IL1RAPL1: variants seen among roughly 807,000 people sequenced by gnomAD.
IL1RAPL1 encodes the protein interleukin-1 receptor accessory protein-like 1.
Under a neutral mutation model 48.4 loss-of-function variants are expected in IL1RAPL1, and 3 were observed. That is an observed-to-expected ratio of 0.06 (90% CI 0.03 to 0.16). The LOEUF (loss-of-function observed/expected upper bound fraction) is 0.16, where lower values mean the gene tolerates loss of function less well. Ranked by LOEUF, IL1RAPL1 falls within the 10% of genes least tolerant of loss-of-function variation. The probability of loss-of-function intolerance (pLI) is 1.00; values close to 1 mark genes in which losing one functional copy is unlikely to be tolerated. For synonymous variants in IL1RAPL1, 185 were observed against 187.7 expected (o/e 0.99, Z 0.12); for missense variants, 349 against 530.6 (o/e 0.66, Z 3.36).
At chrX:29,067,738 G>A (rs1927480380) in intron 2 of IL1RAPL1, among the ~76,000 whole-genome samples, 1 of 111,719 alleles carries the variant, frequency 9.0e-6, no homozygotes, top group Non-Finnish European at 1.9e-5. Flanking sequence ...TTAAAAAATA[G>A]AAGTAGTACA....
chrX:28,790,954 T>TAGCTATATAAAAGAGAAACACTC (rs1936532099), intron 2 of IL1RAPL1, among the ~76,000 whole-genome samples: 1 of 111,673 alleles, frequency 9.0e-6, no homozygotes, highest in Admixed American at 9.5e-5. Flanking sequence ...TTAAGATAGG[T>TAGCTATATAAAAGAGAAACACTC]TTTTGAGATA....
intron 6 of IL1RAPL1, among the ~76,000 whole-genome samples, chrX:29,787,409 G>A (rs1302370002): frequency 8.0e-5 from 9 of 112,112 alleles, no homozygotes; most frequent in African/African-American, 2.6e-4. Flanking sequence ...TACAAATTTT[G>A]CAACAACATA....
At chrX:29,943,912 C>T (rs1933175623) in intron 9 of IL1RAPL1, among the ~76,000 whole-genome samples, 1 of 111,896 alleles carries the variant, frequency 8.9e-6, no homozygotes, top group Non-Finnish European at 1.9e-5. Flanking sequence ...CTGCTGGGTT[C>T]TCAGTTTTTT....
chrX:29,189,219 A>G (rs992466567), intron 2 of IL1RAPL1, among the ~76,000 whole-genome samples: 5 of 112,244 alleles, frequency 4.5e-5, no homozygotes, highest in African/African-American at 1.6e-4. Context: ...TTTAAAGGGC[A>G]TGGATTTTGG....
chrX:28,738,176 T>TA (rs751807925), intron 1 of IL1RAPL1, among the ~76,000 whole-genome samples: 173 of 101,614 alleles, frequency 1.7e-3, no homozygotes, highest in South Asian at 6.0e-3. Context: ...TCTCTTTTTT[T>TA]AAAAAAAAAA....
intron 6 of IL1RAPL1, among the ~76,000 whole-genome samples, chrX:29,907,485 C>CTATAT (rs1446408815): frequency 9.0e-6 from 1 of 110,620 alleles, no homozygotes; most frequent in Non-Finnish European, 1.9e-5. Flanking sequence ...ATTTATTTTT[C>CTATAT]TATATTATAT....
At chrX:29,951,102 C>G (rs1933310747) in intron 9 of IL1RAPL1, among the ~76,000 whole-genome samples, 1 of 111,832 alleles carries the variant, frequency 8.9e-6, no homozygotes, top group South Asian at 3.7e-4. Context: ...AGCATGGAGT[C>G]TACATCTCCA....
intron 6 of IL1RAPL1, among the ~76,000 whole-genome samples, chrX:29,746,655 T>G (rs1403041919): frequency 1.8e-5 from 2 of 111,701 alleles, no homozygotes; most frequent in Admixed American, 9.5e-5. Flanking sequence ...TCACCCAGAC[T>G]GGAGTGCAGT....
chrX:28,853,678 A>C (rs1231188708), intron 2 of IL1RAPL1, among the ~76,000 whole-genome samples: 1 of 111,751 alleles, frequency 8.9e-6, no homozygotes, highest in African/African-American at 3.3e-5. Context: ...AGTAAAAGAA[A>C]AATAACGCCA....
chrX:29,733,677 C>G (rs1318449787), intron 6 of IL1RAPL1, among the ~76,000 whole-genome samples: 1 of 112,507 alleles, frequency 8.9e-6, no homozygotes, highest in Non-Finnish European at 1.9e-5. Context: ...CACAATTATA[C>G]CTTCATGGCA....
At chrX:29,821,675 A>G (rs1257317162) in intron 6 of IL1RAPL1, among the ~76,000 whole-genome samples, 6 of 109,655 alleles carry the variant, frequency 5.5e-5, no homozygotes, top group Admixed American at 4.8e-4. Context: ...AACTGTATCT[A>G]TTTAGAAAAT....
At chrX:29,829,581 A>G (rs897265286) in intron 6 of IL1RAPL1, among the ~76,000 whole-genome samples, 3 of 111,616 alleles carry the variant, frequency 2.7e-5, no homozygotes, top group Admixed American at 9.5e-5. Flanking sequence ...ACACATGACT[A>G]CAAGTTCCAA....
At chrX:29,805,216 G>A (rs1930224346) in intron 6 of IL1RAPL1, among the ~76,000 whole-genome samples, 1 of 111,457 alleles carries the variant, frequency 9.0e-6, no homozygotes, top group African/African-American at 3.3e-5. Context: ...AAGTTATTTA[G>A]CATTAATTGC....
intron 1 of IL1RAPL1, among the ~76,000 whole-genome samples, chrX:28,765,113 T>C (rs1448491582): frequency 4.7e-5 from 4 of 85,725 alleles, no homozygotes; most frequent in Admixed American, 1.8e-4. Flanking sequence ...TGACAACACT[T>C]GGACACAGGA....
chrX:29,036,626 C>T (rs1926738242), intron 2 of IL1RAPL1, among the ~76,000 whole-genome samples: 1 of 111,578 alleles, frequency 9.0e-6, no homozygotes, highest in Admixed American at 9.5e-5. Flanking sequence ...ACATCACAAC[C>T]ATTTATTTAC....
intron 8 of IL1RAPL1, among the ~76,000 whole-genome samples, chrX:29,928,484 C>T (rs1052280768): frequency 8.9e-6 from 1 of 112,033 alleles, no homozygotes. Flanking sequence ...AATCCCACTA[C>T]AAATCTCACT....
At chrX:28,710,574 G>A (rs1234618818) in intron 1 of IL1RAPL1, among the ~76,000 whole-genome samples, 1 of 110,232 alleles carries the variant, frequency 9.1e-6, no homozygotes, top group Non-Finnish European at 1.9e-5. Flanking sequence ...ATGAGAGGAG[G>A]TTGTAGAGTT....
chrX:28,983,775 A>T (rs1281923390), intron 2 of IL1RAPL1, among the ~76,000 whole-genome samples: 1 of 111,885 alleles, frequency 8.9e-6, no homozygotes, highest in African/African-American at 3.2e-5. Flanking sequence ...TATTTAATAG[A>T]TTAAAAATTA....
chrX:29,282,796 C>A, intron 2 of IL1RAPL1, 142 bp from the exon 3 acceptor site: 1 of 570,439 alleles, frequency 1.8e-6, no homozygotes, highest in Non-Finnish European at 2.9e-6. Context: ...TGATTCATTG[C>A]TATGTGCTCT....
Sources: gnomAD v4.1 joint callset for allele counts (sites outside exome capture counted in the v4.1 genomes callset) on GRCh38, gnomAD v4.1.1 for gene constraint, MANE v1.5 for transcripts, NCBI Gene and HGNC (gene_info 2026-07-23, HGNC 2026-07-21) for gene names.